The following PHIP variants were observed in gnomAD, a reference collection of about 807,000 sequenced individuals.
The protein encoded by PHIP is PHIP subunit of CUL4-Ring ligase complex.
In PHIP, 54 loss-of-function variants were observed where a neutral mutation model predicts 236.8. The observed-to-expected ratio is 0.23, with a 90% CI of 0.18 to 0.29. PHIP has a LOEUF of 0.29. Among genes scored for constraint, PHIP ranks in the 10% least tolerant of loss-of-function variants. PHIP has a pLI of 1.00. For synonymous variants in PHIP, 756 were observed against 718.9 expected, an observed-to-expected ratio of 1.05 and a Z score of -0.83; for missense variants, 1,370 against 2,190.8, an observed-to-expected ratio of 0.63 and a Z score of 7.48.
intron 35 of PHIP, 119 bp downstream of exon 35, chr6:78,954,695 A>G: frequency 1.5e-6 from 1 of 645,658 alleles, no homozygotes; most frequent in Non-Finnish European, 2.5e-6. Context: ...TAATGAGAAC[A>G]TGTATAAAAT....
At chr6:79,017,734 C>T (rs930989164) in intron 10 of PHIP, 151 bp from the exon 11 acceptor site, 1 of 562,680 alleles carries the variant, frequency 1.8e-6, no homozygotes, top group Admixed American at 3.3e-5. Context: ...TATAACACAT[C>T]TAACTGGAAT....
chr6:79,059,656 C>T lies in PHIP; in HGVS notation c.439+822G>A, dbSNP rs139468724. Among the ~76,000 whole-genome samples, 215 of 132,700 alleles carry T rather than the reference C, an allele frequency of 1.6e-3. 3 individuals carry two copies. Among genetic ancestry groups the T allele is most frequent in the African/African-American group, 5.6e-3 (192 of 34,258 alleles). 87.1% of individuals were successfully genotyped at this position (132,700 alleles called of 152,430 possible). The stretch of plus-strand genomic sequence containing the variant: ...GCCAAACAAAAGTCATATAAACTTA[C>T]GATCTGTATAATAAGTATCCAGAAA... On this transcript the variant is annotated intron_variant, in intron 6 of 39. Transcript: ENST00000275034.
At chr6:79,059,784 A>G (rs1349707459) in intron 6 of PHIP, among the ~76,000 whole-genome samples, 2 of 151,656 alleles carry the variant, frequency 1.3e-5, no homozygotes, top group African/African-American at 2.4e-5. Context: ...TGAACTTTGA[A>G]GGTCTCTGAA....
intron 7 of PHIP, among the ~76,000 whole-genome samples, chr6:79,027,243 A>G (rs1171933865): frequency 1.3e-5 from 2 of 152,198 alleles, no homozygotes; most frequent in African/African-American, 4.8e-5. Context: ...TAAATGCTGT[A>G]TCTTAAATCA....
chr6:78,954,998 A>G (rs1317493711), intron 34 of PHIP, 35 bp from the exon 35 acceptor site: 2 of 1,439,724 alleles, frequency 1.4e-6, no homozygotes, highest in Admixed American at 2.5e-5. Flanking sequence ...TTAATAAAAG[A>G]GCACTTACAC....
intron 16 of PHIP, among the ~76,000 whole-genome samples, chr6:79,003,204 A>C (rs193266572): frequency 6.6e-6 from 1 of 152,162 alleles, no homozygotes; most frequent in Non-Finnish European, 1.5e-5. Context: ...CACGAATTCA[A>C]AGCCAGTCTA....
intron 23 of PHIP, among the ~76,000 whole-genome samples, chr6:78,981,928 A>C (rs1768564672): frequency 6.6e-6 from 1 of 152,038 alleles, no homozygotes; most frequent in South Asian, 2.1e-4. Context: ...TGGAATCCAA[A>C]TTAAAGTAAC....
Position 78,934,641 on chromosome 6 carries a change from CAA to C in PHIP, c.*6050_*6051del, listed in dbSNP as rs1773195478. ...CTATTTAGGGACTAAATATAAAAGC[CAA>C]AGTTGAGCCATGAATACAGAGGACA... On this transcript the variant is annotated 3_prime_UTR_variant, in exon 40 of 40. Transcript: ENST00000275034. 6.6e-6 allele frequency among the ~76,000 whole-genome samples: 1 copy of C among 152,068 alleles called. No homozygotes were observed. Among genetic ancestry groups the C allele is most frequent in the African/African-American group, 2.4e-5 (1 of 41,394 alleles).
At chr6:79,007,654 C>CTTTTTTTT (rs35415106) in intron 15 of PHIP, among the ~76,000 whole-genome samples, 1 of 116,686 alleles carries the variant, frequency 8.6e-6, no homozygotes, top group African/African-American at 3.4e-5. Context: ...ATGTCTTGTT[C>CTTTTTTTT]TTTTTTTTTT....
chr6:78,958,175 T>C (rs1766548880), intron 32 of PHIP: 1 of 202,222 alleles, frequency 4.9e-6, no homozygotes, highest in Non-Finnish European at 9.9e-6. Flanking sequence ...TTTACTATTA[T>C]TATTGTCTAA....
chr6:79,063,414 TG>T (rs1360532168), intron 4 of PHIP, among the ~76,000 whole-genome samples: 2 of 152,204 alleles, frequency 1.3e-5, no homozygotes, highest in African/African-American at 2.4e-5. Context: ...CTAATAGTTT[TG>T]GGGTGAGTTT....
intron 15 of PHIP, among the ~76,000 whole-genome samples, chr6:79,010,087 G>C (rs1582217200): frequency 6.6e-6 from 1 of 151,440 alleles, no homozygotes; most frequent in East Asian, 1.9e-4. Flanking sequence ...GGGAGGAAGG[G>C]AGGGAGGGAG....
chr6:78,975,478 C>T (rs1424747390), intron 24 of PHIP, among the ~76,000 whole-genome samples: 1 of 152,202 alleles, frequency 6.6e-6, no homozygotes, highest in Non-Finnish European at 1.5e-5. Flanking sequence ...CAGGGATGCT[C>T]TCTCTCACCA....
rs190346901 is a variant in PHIP at position 78,974,001 on chromosome 6, G to T, written c.2890-3113C>A. 1.8e-3 allele frequency among the ~76,000 whole-genome samples: 279 copies of T among 152,248 alleles called. 1 individual carries two copies. Among genetic ancestry groups the T allele is most frequent in the Non-Finnish European group, 3.4e-3 (229 of 68,016 alleles). On this transcript the variant is annotated intron_variant, in intron 24 of 39. Transcript: ENST00000275034. ...AAGTTAACAAGGATACCCAGGAATT[G>T]AACTCAGCTCTGCACCAAGCAGACC...
chr6:79,017,352 C>G lies in PHIP; in HGVS notation c.1130G>C (p.Ser377Thr). The part of the protein sequence containing the change: ...KVDSIQFSNT[S>T]NRFVSGSRDG... The stretch of plus-strand genomic sequence containing the variant: ...AATTAGACAAATATTTTACCTGTTA[C>G]TAGTGTTGGAAAACTGGATACTGTC... Residue 377 changes from serine (S) to threonine (T), a missense_variant, in exon 12 of 40, where the codon AGT (serine) becomes ACT (threonine). Physicochemically the swap from Ser to Thr is moderately conservative, Grantham distance 58. Around this residue, in one of 14 missense-constraint regions of PHIP, gnomAD observed 188 missense variants for 354.3 expected, o/e 0.53. Coordinates refer to ENST00000275034, the MANE Select transcript of PHIP (RefSeq NM_017934.7). The G allele has an allele frequency of 6.6e-7, 1 of 1,522,040 alleles. No individual in the cohort carries two copies. Among genetic ancestry groups the G allele is most frequent in the East Asian group, 2.3e-5 (1 of 44,068 alleles). 94.3% of individuals were successfully genotyped at this position (1,522,040 alleles called of 1,614,324 possible).
chr6:78,988,751 A>G (rs1769026632), intron 20 of PHIP, among the ~76,000 whole-genome samples: 1 of 151,412 alleles, frequency 6.6e-6, no homozygotes. Context: ...TTTTTTTCTA[A>G]TTAATGACAG....
intron 4 of PHIP, among the ~76,000 whole-genome samples, chr6:79,077,035 AAGCCGAGCCGGCCGCGCGTGCAG>A (rs2127783978): frequency 6.6e-6 from 1 of 152,272 alleles, no homozygotes; most frequent in South Asian, 2.1e-4. Flanking sequence ...GGGCAGGAGA[AAGCCGAGCCGGCCGCGCGTGCAG>A]AGCGAGCAAG....
At chr6:78,973,207 A>T (rs1767745200) in intron 24 of PHIP, among the ~76,000 whole-genome samples, 1 of 152,140 alleles carries the variant, frequency 6.6e-6, no homozygotes, top group Non-Finnish European at 1.5e-5. Flanking sequence ...GCCAGAAGAG[A>T]GTGGGGGCCA....
chr6:79,059,235 G>C (rs1443142018), intron 6 of PHIP, among the ~76,000 whole-genome samples: 1 of 151,996 alleles, frequency 6.6e-6, no homozygotes, highest in Non-Finnish European at 1.5e-5. Context: ...TAGGAAAGGA[G>C]AGAGAAAGGA....
Sources: allele counts gnomAD v4.1 joint callset (sites outside exome capture counted in the v4.1 genomes callset), GRCh38; gene constraint gnomAD v4.1.1; regional missense constraint gnomAD v4.1.1; transcripts MANE v1.5; gene names NCBI Gene and HGNC (gene_info 2026-07-23, HGNC 2026-07-21).